The following EPM2A variants were observed in gnomAD, a reference collection of about 807,000 sequenced individuals.
EPM2A encodes EPM2A glucan phosphatase, laforin, also known as laforin.
In EPM2A, 21 loss-of-function variants were observed where a neutral mutation model predicts 26.5. The observed-to-expected ratio is 0.79, with a 90% CI of 0.56 to 1.14. The LOEUF (loss-of-function observed/expected upper bound fraction) is 1.14. Ranked by LOEUF, EPM2A falls within the 50% of genes most tolerant of loss-of-function variation. The pLI is 0.00. For synonymous variants in EPM2A, 217 were observed against 177.6 expected (o/e 1.22, Z -1.76); for missense variants, 458 against 440.8 (o/e 1.04, Z -0.35).
At chr6:145,464,704 T>G (rs1195257296) in intron 4 of EPM2A, among the ~76,000 whole-genome samples, 1 of 152,132 alleles carries the variant, frequency 6.6e-6, no homozygotes, top group Non-Finnish European at 1.5e-5. Context: ...GTCTGTCACT[T>G]TTCCTTTATT....
At chr6:145,394,020 TC>T (rs2114660331) in intron 4 of EPM2A, among the ~76,000 whole-genome samples, 1 of 152,022 alleles carries the variant, frequency 6.6e-6, no homozygotes, top group South Asian at 2.1e-4. Context: ...AGTCAGGGTT[TC>T]ATCCTGTTAG....
At chr6:145,614,814 T>C (rs776890896) in intron 2 of EPM2A, among the ~76,000 whole-genome samples, 3 of 152,168 alleles carry the variant, frequency 2.0e-5, no homozygotes, top group Non-Finnish European at 4.4e-5. Flanking sequence ...CCATAGTAGA[T>C]AGAATAATAA....
intron 2 of EPM2A, among the ~76,000 whole-genome samples, chr6:145,550,597 C>A (rs1780641800): frequency 6.6e-6 from 1 of 151,920 alleles, no homozygotes; most frequent in Non-Finnish European, 1.5e-5. Context: ...TTAAATGACA[C>A]CAGTTCATAC....
chr6:145,700,380 T>G (rs1781842716), intron 1 of EPM2A, among the ~76,000 whole-genome samples: 1 of 152,182 alleles, frequency 6.6e-6, no homozygotes. Context: ...TTTTTTTTCC[T>G]TCATGGCACT....
At chr6:145,621,858 AT>A (rs528363752), downstream of EPM2A, among the ~76,000 whole-genome samples, 33 of 152,238 alleles carry the variant, frequency 2.2e-4, no homozygotes, top group African/African-American at 7.7e-4. Flanking sequence ...TATCAGACAT[AT>A]TATGGTTTGC....
Position 145,700,007 on chromosome 6 carries a change from C to G in EPM2A, c.302-13711G>C, listed in dbSNP as rs569041015. Among the ~76,000 whole-genome samples, 3 of 152,250 alleles carry G rather than the reference C, an allele frequency of 2.0e-5. No homozygotes were observed. In the East Asian group the frequency reaches 5.8e-4, roughly 29 times the overall value. On this transcript the variant is annotated intron_variant, in intron 1 of 3. Coordinates refer to ENST00000367519, the MANE Select transcript of EPM2A (RefSeq NM_005670.4). ...AATCAAATCTGAAACTCAGATTACT[C>G]TTAATAGGCTTCACTCAAACCATCA... is the stretch of plus-strand genomic sequence containing the variant.
intron 2 of EPM2A, among the ~76,000 whole-genome samples, chr6:145,597,999 T>C (rs1478585272): frequency 1.3e-5 from 2 of 152,204 alleles, no homozygotes; most frequent in African/African-American, 4.8e-5. Flanking sequence ...GTTGATTCCA[T>C]GTCTTTGCTA....
rs1344115149 is a variant in EPM2A, at chr6:145,661,727, T to C, written c.476+24395A>G. Among the ~76,000 whole-genome samples the C allele has an allele frequency of 2.6e-5, 4 of 152,228 alleles. No individual in the cohort carries two copies. The South Asian group carries it at 8.3e-4, about 32-fold the overall frequency. On this transcript the variant is annotated intron_variant, in intron 2 of 3. Coordinates refer to ENST00000367519, the MANE Select transcript of EPM2A (RefSeq NM_005670.4). ...ACTTTTACTCTACTTGATTTATCCC[T>C]TTTATTCCTTCTTAATTCACAGTAT...
intron 2 of EPM2A, among the ~76,000 whole-genome samples, chr6:145,516,280 C>T (rs1206524435): frequency 1.3e-5 from 2 of 152,102 alleles, no homozygotes; most frequent in African/African-American, 4.8e-5. Context: ...CTACTGTTCT[C>T]AAGGCACAGT....
intron 4 of EPM2A, among the ~76,000 whole-genome samples, chr6:145,419,960 T>C (rs1422786642): frequency 1.3e-4 from 20 of 152,148 alleles, no homozygotes; most frequent in Admixed American, 1.3e-3. Context: ...ATATATTTTA[T>C]TAAGGGCTGT....
chr6:145,408,868 G>A (rs1001908540), intron 4 of EPM2A, among the ~76,000 whole-genome samples: 2 of 152,078 alleles, frequency 1.3e-5, no homozygotes, highest in Non-Finnish European at 2.9e-5. Flanking sequence ...TTTTACAGGA[G>A]CACTAATGAC....
At chr6:145,611,331 T>G (rs928785012) in intron 2 of EPM2A, among the ~76,000 whole-genome samples, 1 of 152,046 alleles carries the variant, frequency 6.6e-6, no homozygotes. Flanking sequence ...AAAACAAATT[T>G]TATTTAGACA....
At chr6:145,493,911 T>A (rs1303574539) in intron 4 of EPM2A, among the ~76,000 whole-genome samples, 2 of 152,246 alleles carry the variant, frequency 1.3e-5, no homozygotes, top group Non-Finnish European at 2.9e-5. Context: ...AATTTTTGCA[T>A]CAATGTTCAT....
chr6:145,650,411 G>T (rs1254187210), intron 2 of EPM2A, among the ~76,000 whole-genome samples: 1 of 152,008 alleles, frequency 6.6e-6, no homozygotes, highest in African/African-American at 2.4e-5. Flanking sequence ...AATTAGCTGG[G>T]TGTGGTGGCA....
chr6:145,491,194 A>G, intron 4 of EPM2A: 1 of 463,670 alleles, frequency 2.2e-6, no homozygotes, highest in South Asian at 1.8e-5. Context: ...GAAGCAGGAA[A>G]TTTTCCCCGA....
chr6:145,498,697 T>A (rs1417948640), downstream of EPM2A, among the ~76,000 whole-genome samples: 2 of 152,160 alleles, frequency 1.3e-5, no homozygotes, highest in Admixed American at 1.3e-4. Flanking sequence ...GTTGAGCTGT[T>A]TCCTTGATCA....
At chr6:145,480,487 C>A (rs975729480) in intron 4 of EPM2A, among the ~76,000 whole-genome samples, 1 of 151,996 alleles carries the variant, frequency 6.6e-6, no homozygotes, top group Non-Finnish European at 1.5e-5. Context: ...TGTAAGAGAT[C>A]TTTTTATATC....
intron 2 of EPM2A, among the ~76,000 whole-genome samples, chr6:145,592,632 TC>T (rs531729739): frequency 6.1e-4 from 93 of 152,270 alleles, no homozygotes; most frequent in Non-Finnish European, 1.2e-3. Context: ...CCATATCCTC[TC>T]CAGTACCTGT....
chr6:145,720,014 A>G (rs1270054960), intron 1 of EPM2A, among the ~76,000 whole-genome samples: 7 of 152,144 alleles, frequency 4.6e-5, no homozygotes, highest in Admixed American at 3.9e-4. Context: ...GTGTTTTTTT[A>G]TGTTTCATTT....
Sources: gnomAD v4.1 joint callset for allele counts (sites outside exome capture counted in the v4.1 genomes callset) on GRCh38, gnomAD v4.1.1 for gene constraint, MANE v1.5 for transcripts, NCBI Gene and HGNC (gene_info 2026-07-23, HGNC 2026-07-21) for gene names.